Variants in SAMD3 observed in about 807,000 individuals in gnomAD.
The protein encoded by SAMD3 is sterile alpha motif domain containing 3.
In SAMD3, 63 loss-of-function variants were observed where a neutral mutation model predicts 58.5. The observed-to-expected ratio is 1.08, with a 90% CI of 0.88 to 1.33. The LOEUF is 1.33. SAMD3 is among the 40% of genes most tolerant of loss of function. The pLI is 0.00. For synonymous variants in SAMD3, 220 were observed against 210.3 expected (o/e 1.05, Z -0.40); for missense variants, 604 against 608.4 (o/e 0.99, Z 0.08).
chr6:130,324,556 G>A (rs919488050), intron 1 of SAMD3, among the ~76,000 whole-genome samples: 4 of 152,152 alleles, frequency 2.6e-5, no homozygotes, highest in Non-Finnish European at 4.4e-5. Flanking sequence ...ACTTTCTGGA[G>A]TGTTTGTATC....
chr6:130,360,354 C>G (rs1373538060), intron 1 of SAMD3, among the ~76,000 whole-genome samples: 4 of 152,068 alleles, frequency 2.6e-5, no homozygotes, highest in Non-Finnish European at 4.4e-5. Context: ...AAGTGTCGGC[C>G]AGGTTGAGAA....
At position 130,177,304 on chromosome 6, in the gene SAMD3, G is replaced by A. The variant is rs112701357; in HGVS notation, c.655-1296C>T. Among the ~76,000 whole-genome samples, 13 of 152,130 alleles carry A rather than the reference G, an allele frequency of 8.5e-5. 1 individual carries two copies. The highest frequency in any genetic ancestry group is 2.1e-4 in the South Asian group (1 of 4,824). ...GAATTCGTCAGAACAGCCAGGTTAG[G>A]AAGTCTTCCTAGGCCATGTTGAGTT... On this transcript the variant is annotated intron_variant, in intron 7 of 11. Coordinates refer to ENST00000439090, the MANE Select transcript of SAMD3 (RefSeq NM_001017373.4).
intron 2 of SAMD3, among the ~76,000 whole-genome samples, chr6:130,279,115 A>G (rs574167627): frequency 2.6e-5 from 4 of 152,318 alleles, no homozygotes; most frequent in Admixed American, 1.3e-4. Context: ...TGAGCTTAAT[A>G]ATATCTATCT....
At chr6:130,329,043 C>CCTCTCTCT (rs10679349) in intron 1 of SAMD3, among the ~76,000 whole-genome samples, 93 of 147,080 alleles carry the variant, frequency 6.3e-4, no homozygotes, top group African/African-American at 2.2e-3. Context: ...TCTCTCTCTC[C>CCTCTCTCT]CTCTCTCTCT....
chr6:130,289,718 T>C (rs1435585592), intron 2 of SAMD3, among the ~76,000 whole-genome samples: 2 of 152,182 alleles, frequency 1.3e-5, no homozygotes, highest in East Asian at 3.8e-4. Context: ...CAGGCTGGTC[T>C]CGAACTCCTG....
chr6:130,177,366 A>T (rs1791824262), intron 7 of SAMD3, among the ~76,000 whole-genome samples: 1 of 152,136 alleles, frequency 6.6e-6, no homozygotes, highest in Admixed American at 6.5e-5. Context: ...CTCTGGAAGG[A>T]TCTGTCTGGC....
At chr6:130,265,190 G>C (rs527515082) in intron 2 of SAMD3, among the ~76,000 whole-genome samples, 1 of 152,288 alleles carries the variant, frequency 6.6e-6, no homozygotes, top group Non-Finnish European at 1.5e-5. Flanking sequence ...CCGCCACCTT[G>C]CTCCTGGTAT....
intron 8 of SAMD3, chr6:130,160,825 T>C (rs1031665803): frequency 1.3e-5 from 2 of 152,054 alleles, no homozygotes; most frequent in Non-Finnish European, 2.9e-5. Flanking sequence ...ATGTAAAATG[T>C]GGAAGGTGGT....
chr6:130,280,189 T>A (rs1583044427), intron 2 of SAMD3, among the ~76,000 whole-genome samples: 3 of 152,350 alleles, frequency 2.0e-5, no homozygotes, highest in Admixed American at 2.0e-4. Flanking sequence ...ATCTTTGTTT[T>A]CCTATTTACT....
intron 2 of SAMD3, among the ~76,000 whole-genome samples, chr6:130,293,425 G>T (rs2114965967): frequency 6.6e-6 from 1 of 152,120 alleles, no homozygotes; most frequent in Non-Finnish European, 1.5e-5. Context: ...AAAAACAGGT[G>T]TTTTCTGGCT....
chr6:130,362,973 C>A (rs936781691), intron 1 of SAMD3, among the ~76,000 whole-genome samples: 1 of 152,046 alleles, frequency 6.6e-6, no homozygotes, highest in African/African-American at 2.4e-5. Flanking sequence ...TTTCCTCTAC[C>A]TTTTTCTTTA....
At chr6:130,153,498 T>C (rs765261892) in intron 9 of SAMD3, among the ~76,000 whole-genome samples, 1 of 151,826 alleles carries the variant, frequency 6.6e-6, no homozygotes, top group South Asian at 2.1e-4. Context: ...ATAGAATTTC[T>C]CCATGAAATA....
chr6:130,183,417 C>T (rs758939453), intron 7 of SAMD3: 4 of 453,250 alleles, frequency 8.8e-6, no homozygotes, highest in African/African-American at 8.1e-5. Flanking sequence ...GGACAGAAAG[C>T]AGAGATCTGA....
chr6:130,230,555 T>G (rs1304647707), intron 2 of SAMD3, among the ~76,000 whole-genome samples: 1 of 152,114 alleles, frequency 6.6e-6, no homozygotes, highest in Non-Finnish European at 1.5e-5. Flanking sequence ...GCCCAGCACA[T>G]TTTTGTACTT....
intron 1 of SAMD3, among the ~76,000 whole-genome samples, chr6:130,323,802 C>CAAAAAAAAAAAAAA (rs766078214): frequency 1.9e-5 from 1 of 53,546 alleles, no homozygotes; most frequent in Non-Finnish European, 3.3e-5. Context: ...GACTCTGTCT[C>CAAAAAAAAAAAAAA]AAAAAAAAAA....
intron 2 of SAMD3, among the ~76,000 whole-genome samples, chr6:130,283,968 A>T (rs569791982): frequency 6.6e-6 from 1 of 152,252 alleles, no homozygotes; most frequent in East Asian, 1.9e-4. Context: ...CAGCCTCCCA[A>T]GTAGCTGTGA....
intron 1 of SAMD3, among the ~76,000 whole-genome samples, chr6:130,321,364 A>G (rs1024186124): frequency 6.6e-6 from 1 of 152,146 alleles, no homozygotes; most frequent in Non-Finnish European, 1.5e-5. Context: ...AAGCTTGGAA[A>G]TGATTGCAGC....
intron 2 of SAMD3, among the ~76,000 whole-genome samples, chr6:130,244,695 G>A (rs2050407): frequency 0.49 from 73,997 of 150,840 alleles, 22,033 homozygotes; most frequent in African/African-American, 0.84. Flanking sequence ...AGCTGAGATC[G>A]TGCCACTGTA....
rs188693948 is a variant in SAMD3 at position 130,305,436 on chromosome 6, A to T, written c.-188+7542T>A. Among the ~76,000 whole-genome samples, 1,074 of 152,284 alleles carry T rather than the reference A, an allele frequency of 7.1e-3. 11 individuals are homozygous for T. The highest frequency in any genetic ancestry group is 0.017 in the Middle Eastern group (5 of 294). The stretch of plus-strand genomic sequence containing the variant: ...TTTTCCTTATCTTACTACCCTGTCT[A>T]TAATCTCCAGAACAATGTTGAACAG... On this transcript the variant is annotated intron_variant, in intron 2 of 13. Coordinates refer to the SAMD3 transcript ENST00000368134.
Sources: gnomAD v4.1 joint callset for allele counts (sites outside exome capture counted in the v4.1 genomes callset) on GRCh38, gnomAD v4.1.1 for gene constraint, MANE v1.5 for transcripts, NCBI Gene and HGNC (gene_info 2026-07-23, HGNC 2026-07-21) for gene names.